The following GRIN2B variants were observed in gnomAD, a reference collection of about 807,000 sequenced individuals.
GRIN2B encodes glutamate ionotropic receptor NMDA type subunit 2B.
In GRIN2B, 5 loss-of-function variants were observed where a neutral mutation model predicts 114.5. The observed-to-expected ratio is 0.04, with a 90% CI of 0.02 to 0.09. The LOEUF is 0.09. Ranked by LOEUF, GRIN2B falls within the 10% of genes least tolerant of loss-of-function variation. The pLI is 1.00. For synonymous variants in GRIN2B, 787 were observed against 745.1 expected, an observed-to-expected ratio of 1.06 and a Z score of -0.92; for missense variants, 1,108 against 1,943.5, an observed-to-expected ratio of 0.57 and a Z score of 8.08.
At chr12:13,835,182 G>T in intron 3 of GRIN2B, among the ~76,000 whole-genome samples, 1 of 152,150 alleles carries the variant, frequency 6.6e-6, no homozygotes, top group East Asian at 1.9e-4. Context: ...GGAAAGGAAC[G>T]CCTCCATCCC....
At chr12:13,839,398 G>C (rs548533067) in intron 3 of GRIN2B, among the ~76,000 whole-genome samples, 1 of 152,322 alleles carries the variant, frequency 6.6e-6, no homozygotes, top group Admixed American at 6.5e-5. Flanking sequence ...GAGAAAATTT[G>C]AAAGTGGTTC....
chr12:13,764,949 T>C (rs1416764879), intron 3 of GRIN2B, among the ~76,000 whole-genome samples: 1 of 152,234 alleles, frequency 6.6e-6, no homozygotes, highest in Non-Finnish European at 1.5e-5. Context: ...ATGGGGCCTC[T>C]GCCTATAAAT....
intron 5 of GRIN2B, among the ~76,000 whole-genome samples, chr12:13,674,116 T>G (rs1950048132): frequency 6.6e-6 from 1 of 151,900 alleles, no homozygotes; most frequent in Admixed American, 6.6e-5. Context: ...TTCCAGTGCT[T>G]TGGGAGGCTG....
In GRIN2B at chr12:13,615,098, C is replaced by G; in HGVS notation, c.1654+16G>C. 1 of 1,607,994 alleles carries G rather than the reference C, an allele frequency of 6.2e-7. No individual in the cohort carries two copies. ...CCATACGTCCATTTCCTTCCACCAG[C>G]AAACCCATCATTTACCTAAGAAGGC... is the stretch of plus-strand genomic sequence containing the variant. On this transcript the variant is annotated intron_variant, in intron 8 of 13. Transcript: ENST00000609686. The surrounding 1 kb of genome is among the most constrained non-coding windows in gnomAD (Gnocchi z 5.8).
At chr12:13,666,340 G>A (rs903318186) in intron 5 of GRIN2B, among the ~76,000 whole-genome samples, 5 of 152,150 alleles carry the variant, frequency 3.3e-5, no homozygotes, top group East Asian at 1.9e-4. Context: ...CTATGACAGC[G>A]AAGGACACCT....
At chr12:13,896,020 A>G (rs1308165418) in intron 2 of GRIN2B, among the ~76,000 whole-genome samples, 1 of 152,214 alleles carries the variant, frequency 6.6e-6, no homozygotes, top group African/African-American at 2.4e-5. Context: ...ATCCTATATT[A>G]ATCTATACTA....
chr12:13,608,554 T>G, intron 10 of GRIN2B, 49 bp downstream of exon 10: 40 of 1,372,074 alleles, frequency 2.9e-5, no homozygotes, highest in Non-Finnish European at 4.2e-5. Context: ...TGAGTATGGC[T>G]GAGAACAGGA....
At chr12:13,966,356 C>A (rs566942880) in intron 2 of GRIN2B, among the ~76,000 whole-genome samples, 11 of 152,182 alleles carry the variant, frequency 7.2e-5, no homozygotes, top group Non-Finnish European at 1.3e-4. Flanking sequence ...TGAAAACCTT[C>A]CTTTTCTTTC....
chr12:13,820,287 T>C (rs1864909598), intron 3 of GRIN2B, among the ~76,000 whole-genome samples: 1 of 152,170 alleles, frequency 6.6e-6, no homozygotes, highest in South Asian at 2.1e-4. Flanking sequence ...CACAACCCTA[T>C]ATATTTGATA....
intron 2 of GRIN2B, among the ~76,000 whole-genome samples, chr12:13,932,721 C>G (rs766646586): frequency 2.3e-4 from 35 of 152,084 alleles, no homozygotes; most frequent in Non-Finnish European, 4.7e-4. Flanking sequence ...GGGAAGGATC[C>G]AGAGAAATGT....
At position 13,761,317 on chromosome 12, in the gene GRIN2B, T is replaced by C. The variant is rs1329480309; in HGVS notation, c.412-7402A>G. On this transcript the variant is annotated intron_variant, in intron 3 of 13. Coordinates refer to ENST00000609686, the MANE Select transcript of GRIN2B (RefSeq NM_000834.5). ...CCCTGACTGAGTCTCTCTTCGGATG[T>C]GCTTTAATCGCCAAATTTAAACCAC... is the stretch of plus-strand genomic sequence containing the variant. Among the ~76,000 whole-genome samples, 10 of 152,242 alleles carry C rather than the reference T, an allele frequency of 6.6e-5. No homozygotes were observed. In the East Asian group the frequency reaches 1.9e-3, roughly 29 times the overall value.
chr12:13,743,129 C>T (rs1314118958), intron 4 of GRIN2B, among the ~76,000 whole-genome samples: 1 of 152,202 alleles, frequency 6.6e-6, no homozygotes, highest in East Asian at 1.9e-4. Context: ...GATAACCCAA[C>T]TGCCCACAAG....
chr12:13,821,901 C>T (rs1864945321), intron 3 of GRIN2B, among the ~76,000 whole-genome samples: 1 of 152,154 alleles, frequency 6.6e-6, no homozygotes. Context: ...ACATTACTTT[C>T]TCTATTACAC....
At chr12:13,955,659 G>A (rs1350406171) in intron 2 of GRIN2B, among the ~76,000 whole-genome samples, 1 of 152,148 alleles carries the variant, frequency 6.6e-6, no homozygotes, top group Non-Finnish European at 1.5e-5. Context: ...GTACACTGGA[G>A]CCGGCTTCTT....
At chr12:13,895,384 A>G (rs1319267647) in intron 2 of GRIN2B, among the ~76,000 whole-genome samples, 1 of 152,172 alleles carries the variant, frequency 6.6e-6, no homozygotes, top group African/African-American at 2.4e-5. Flanking sequence ...ACCATTTTGT[A>G]TGTTCCTTCA....
At position 13,556,582 on chromosome 12, in the gene GRIN2B, T is replaced by C. The variant is rs1948481700; in HGVS notation, c.*6201A>G. 6.6e-6 allele frequency: 1 copy of C among 152,182 alleles called. No individual in the cohort carries two copies. Among genetic ancestry groups the C allele is most frequent in the South Asian group, 2.1e-4 (1 of 4,826 alleles). 9.4% of individuals were successfully genotyped at this position (152,182 alleles called of 1,614,324 possible). A position where few individuals can be genotyped will look rare whatever the true frequency, so the allele number is the denominator to read the frequency against. ...AATTACCGATAAAAGAGTTCAGGTT[T>C]AAAGTGTGGAAACCTAATCTTTAAA... On this transcript the variant is annotated 3_prime_UTR_variant, in exon 14 of 14. Transcript: ENST00000609686.
intron 10 of GRIN2B, among the ~76,000 whole-genome samples, chr12:13,595,884 A>G (rs538346785): frequency 1.3e-5 from 2 of 152,222 alleles, no homozygotes; most frequent in Non-Finnish European, 2.9e-5. Flanking sequence ...AGAAAAGCAG[A>G]AAATTGCTCA....
At chr12:13,862,257 T>C (rs915945965) in intron 3 of GRIN2B, among the ~76,000 whole-genome samples, 1 of 152,252 alleles carries the variant, frequency 6.6e-6, no homozygotes, top group Non-Finnish European at 1.5e-5. Flanking sequence ...ACTGCTGAAC[T>C]GTGTCTGTGC....
At chr12:13,745,337 A>T (rs865849069) in intron 4 of GRIN2B, among the ~76,000 whole-genome samples, 1 of 152,132 alleles carries the variant, frequency 6.6e-6, no homozygotes, top group Non-Finnish European at 1.5e-5. Context: ...CTCCCACTCA[A>T]TTCCTAAATA....
Sources: allele counts gnomAD v4.1 joint callset (sites outside exome capture counted in the v4.1 genomes callset), GRCh38; gene constraint gnomAD v4.1.1; non-coding constraint Gnocchi (gnomAD v3.1); transcripts MANE v1.5; gene names NCBI Gene and HGNC (gene_info 2026-07-23, HGNC 2026-07-21).